Variants in FAN1 observed in about 807,000 individuals in gnomAD.
The protein encoded by FAN1 is FANCD2 and FANCI associated nuclease 1, also known as fanconi-associated nuclease 1.
FAN1 carries 91 observed loss-of-function variants against 104.9 expected under a neutral mutation model. The ratio of observed to expected loss-of-function variants is 0.87; its 90% confidence interval spans 0.73 to 1.03. FAN1 has a LOEUF of 1.03. Among genes scored for constraint, FAN1 ranks in the 50% least tolerant of loss-of-function variants. The pLI is 0.00. For synonymous variants in FAN1, 478 were observed against 457.6 expected (o/e 1.04, Z -0.57); for missense variants, 1,263 against 1,239.9 (o/e 1.02, Z -0.28).
intron 2 of FAN1, among the ~76,000 whole-genome samples, chr15:30,906,735 T>C (rs1334902312): frequency 6.6e-6 from 1 of 152,182 alleles, no homozygotes; most frequent in Non-Finnish European, 1.5e-5. Flanking sequence ...GAAATTATGG[T>C]ATTCCTTGGG....
chr15:30,926,018 G>GCCCA, intron 10 of FAN1, 79 bp downstream of exon 10: 2 of 1,409,182 alleles, frequency 1.4e-6, no homozygotes, highest in Non-Finnish European at 2.0e-6. Context: ...TCAGCAGTGG[G>GCCCA]CTGCTGTCCT....
At chr15:30,930,710 T>C in intron 13 of FAN1, 39 bp downstream of exon 13, 8 of 1,606,576 alleles carry the variant, frequency 5.0e-6, no homozygotes, top group African/African-American at 4.0e-5. Flanking sequence ...TTGGTAACCT[T>C]ATTAGCAACT....
chr15:30,931,016 A>G (rs1389831793), intron 13 of FAN1, among the ~76,000 whole-genome samples: 1 of 152,192 alleles, frequency 6.6e-6, no homozygotes, highest in African/African-American at 2.4e-5. Context: ...ACCAGGAGCT[A>G]TTTTAGAAGC....
At chr15:30,914,624 C>T (rs1276516411) in intron 5 of FAN1, among the ~76,000 whole-genome samples, 1 of 152,164 alleles carries the variant, frequency 6.6e-6, no homozygotes, top group African/African-American at 2.4e-5. Flanking sequence ...CCTTGGCCTC[C>T]CAAAGTGCTG....
chr15:30,915,663 A>T (rs2062184807), intron 5 of FAN1, among the ~76,000 whole-genome samples: 1 of 152,212 alleles, frequency 6.6e-6, no homozygotes, highest in South Asian at 2.1e-4. Context: ...TTTGATCATT[A>T]TACATTGTAT....
chr15:30,910,957 C>A (rs901139234), intron 4 of FAN1, 142 bp downstream of exon 4: 4 of 1,369,512 alleles, frequency 2.9e-6, no homozygotes, highest in Admixed American at 3.3e-5. Flanking sequence ...GCCTTAATTG[C>A]AATAGCCTGG....
chr15:30,930,016 T>C (rs1482346506), intron 12 of FAN1, among the ~76,000 whole-genome samples: 1 of 136,876 alleles, frequency 7.3e-6, no homozygotes, highest in Non-Finnish European at 1.5e-5. Flanking sequence ...ATGTATAAAA[T>C]ATATAATAAT....
intron 4 of FAN1, chr15:30,911,243 G>A (rs2062095065): frequency 1.0e-6 from 1 of 990,066 alleles, no homozygotes; most frequent in Non-Finnish European, 1.2e-6. Flanking sequence ...ACTGTGAGTG[G>A]CTTCTTTTGT....
chr15:30,907,448 G>A (rs983928976), intron 2 of FAN1, among the ~76,000 whole-genome samples: 4 of 151,978 alleles, frequency 2.6e-5, no homozygotes, highest in African/African-American at 9.7e-5. Flanking sequence ...AACCCAGGAG[G>A]CAGAGCTTTC....
chr15:30,911,840 G>A (rs559111080), intron 4 of FAN1: 387 of 278,672 alleles, frequency 1.4e-3, no homozygotes, highest in Non-Finnish European at 1.8e-3. Flanking sequence ...GAGGCAGGTG[G>A]ATCACAAGAT....
chr15:30,925,376 AGT>A, intron 9 of FAN1, 85 bp downstream of exon 9: 3 of 1,282,062 alleles, frequency 2.3e-6, no homozygotes, highest in Non-Finnish European at 3.3e-6. Context: ...AGCTGTTTTG[AGT>A]GTGTGTTTTC....
At chr15:30,919,904 C>T (rs1465520548) in intron 6 of FAN1, among the ~76,000 whole-genome samples, 1 of 151,882 alleles carries the variant, frequency 6.6e-6, no homozygotes, top group Non-Finnish European at 1.5e-5. Flanking sequence ...CAGTTTAAAC[C>T]CATGTTGTCC....
At position 30,905,249 on chromosome 15, in the gene FAN1, T is replaced by C. The variant is rs1283259665; in HGVS notation, c.586T>C (p.Ser196Pro). Residue 196 changes from serine (S) to proline (P), a missense_variant, in exon 2 of 15, where the codon TCT becomes CCT. This residue lies in a region of FAN1 where 682 missense variants were observed against 571.1 expected (regional missense o/e 1.19). Transcript: ENST00000362065. ...STVVKSLIDN[S>P]SEIEDEDQIL... The stretch of plus-strand genomic sequence containing the variant: ...AGTTGTTAAGAGCCTGATTGATAAC[T>C]CTTCAGAAATTGAGGACGAGGATCA... The C allele has an allele frequency of 6.2e-7, 1 of 1,614,078 alleles. No homozygotes were observed. Among genetic ancestry groups the C allele is most frequent in the Non-Finnish European group, 8.5e-7 (1 of 1,180,028 alleles).
intron 13 of FAN1, among the ~76,000 whole-genome samples, chr15:30,933,654 G>A (rs2062772743): frequency 6.6e-6 from 1 of 151,800 alleles, no homozygotes; most frequent in African/African-American, 2.4e-5. Flanking sequence ...TGATAGTGTT[G>A]TTTAAGTTGT....
chr15:30,908,691 C>CA (rs145991819), intron 3 of FAN1, among the ~76,000 whole-genome samples: 62,669 of 151,942 alleles, frequency 0.41, 14,293 homozygotes, highest in East Asian at 0.85. Flanking sequence ...ACTAAAAATA[C>CA]AAAATTAGGT....
chr15:30,904,264 T>C (rs1474558140), intron 1 of FAN1, among the ~76,000 whole-genome samples: 1 of 152,160 alleles, frequency 6.6e-6, no homozygotes, highest in African/African-American at 2.4e-5. Context: ...TTGTCCCTTT[T>C]TAGAAACGGA....
rs1278001644 is a variant in FAN1 at position 30,928,456 on chromosome 15, G to GT, written c.2489-96dup. ...ATTTCTATTATTTTCTTGAAATTGAGTGTGCAGTAGGTTATGGTGGTGTTT... is the reference window on the plus strand; with the variant it reads ...ATTTCTATTATTTTCTTGAAATTGAGTTGTGCAGTAGGTTATGGTGGTGTTT... On this transcript the variant is annotated intron_variant, in intron 10 of 14. Transcript: ENST00000362065. 4.6e-6 allele frequency: 7 copies of GT among 1,524,128 alleles called. No homozygotes were observed. In the Admixed American group the frequency reaches 6.5e-5, roughly 14 times the overall value. 94.4% of individuals were successfully genotyped at this position (1,524,128 alleles called of 1,614,324 possible). A position where few individuals can be genotyped will look rare whatever the true frequency, so the allele number is the denominator to read the frequency against.
In FAN1 at chr15:30,905,358, G is replaced by A. The variant is rs1389922258; in HGVS notation, c.695G>A (p.Arg232Lys). 1.9e-6 allele frequency: 3 copies of A among 1,614,050 alleles called. No homozygotes were observed. The highest frequency in any genetic ancestry group is 1.7e-6 in the Non-Finnish European group (2 of 1,180,000). ...GAGTGCATTCCTGAACATATGGTAAGAGGAAGTAAAATAATGGAAGCCGAA... is the reference window on the plus strand; with the variant it reads ...GAGTGCATTCCTGAACATATGGTAAAAGGAAGTAAAATAATGGAAGCCGAA... The part of the protein sequence containing the change: ...KEECIPEHMV[R>K]GSKIMEAESQ... The change falls in exon 2 of 15, where the codon AGA becomes AAA. Residue 232 changes from arginine (R) to lysine (K), a missense_variant. Physicochemically the swap from Arg to Lys is conservative, Grantham distance 26 (BLOSUM62 2). Transcript: ENST00000362065.
intron 5 of FAN1, among the ~76,000 whole-genome samples, chr15:30,915,370 G>T (rs999407467): frequency 6.6e-6 from 1 of 152,168 alleles, no homozygotes; most frequent in African/African-American, 2.4e-5. Context: ...AATAAGTTCT[G>T]TTGTTCTGTA....
Sources: gnomAD v4.1 joint callset for allele counts (sites outside exome capture counted in the v4.1 genomes callset) on GRCh38, gnomAD v4.1.1 for gene constraint, gnomAD v4.1.1 regional missense constraint, MANE v1.5 for transcripts, NCBI Gene and HGNC (gene_info 2026-07-23, HGNC 2026-07-21) for gene names.